The following DOCK4 variants were observed in gnomAD, a reference collection of about 807,000 sequenced individuals.
DOCK4 encodes the protein dedicator of cytokinesis protein 4.
DOCK4 carries 97 observed loss-of-function variants against 268.1 expected under a neutral mutation model. The ratio of observed to expected loss-of-function variants is 0.36; its 90% CI spans 0.31 to 0.43. DOCK4 has a LOEUF of 0.43. Among genes scored for constraint, DOCK4 ranks in the 20% least tolerant of loss-of-function variants. The pLI, the probability that DOCK4 is intolerant of heterozygous loss-of-function variation, is 1.00. For missense variants in DOCK4, 2,145 were observed against 2,455.7 expected (o/e 0.87, Z 2.67); for synonymous variants, 954 against 887.2 (o/e 1.08, Z -1.34).
At chr7:111,893,018 G>C (rs1025165987) in intron 16 of DOCK4, among the ~76,000 whole-genome samples, 1 of 152,110 alleles carries the variant, frequency 6.6e-6, no homozygotes, top group Admixed American at 6.5e-5. Context: ...ATACCATACT[G>C]AGTTTCTCTT....
intron 1 of DOCK4, among the ~76,000 whole-genome samples, chr7:112,034,933 T>C (rs1282269793): frequency 6.6e-6 from 1 of 151,852 alleles, no homozygotes; most frequent in Non-Finnish European, 1.5e-5. Context: ...AAAAAACAAC[T>C]TAAAGGAGAA....
At chr7:112,143,864 A>G (rs1815166512) in intron 1 of DOCK4, among the ~76,000 whole-genome samples, 1 of 152,196 alleles carries the variant, frequency 6.6e-6, no homozygotes, top group African/African-American at 2.4e-5. Flanking sequence ...CTTTGGTCTC[A>G]ATCACAGCAC....
intron 8 of DOCK4, among the ~76,000 whole-genome samples, chr7:111,957,624 G>A (rs574851088): frequency 5.8e-4 from 89 of 152,160 alleles, no homozygotes; most frequent in African/African-American, 2.0e-3. Flanking sequence ...TGTTAATCTC[G>A]AATCGTCTTA....
intron 1 of DOCK4, among the ~76,000 whole-genome samples, chr7:112,036,433 A>G (rs1803771464): frequency 6.6e-6 from 1 of 152,324 alleles, no homozygotes; most frequent in South Asian, 2.1e-4. Flanking sequence ...AAATAACACA[A>G]GCAACATAAA....
At position 111,994,219 on chromosome 7, in the gene DOCK4, C is replaced by T. The variant is rs370807887; in HGVS notation, c.231G>A (p.Met77Ile). Residue 77 changes from methionine (M) to isoleucine (I), a missense_variant, in exon 5 of 53, where the codon ATG becomes ATA. Transcript: ENST00000428084. ...TAACAGAGTCTTCAGTGGGAATAACCATTTCAAATTGTCTGTGAAATTAAA... is the reference window on the plus strand; with the variant it reads ...TAACAGAGTCTTCAGTGGGAATAACTATTTCAAATTGTCTGTGAAATTAAA... ...ACVKNKGQFEMVIPTEDSVIT... is the reference protein window; with the variant it reads ...ACVKNKGQFEIVIPTEDSVIT... 22 of 1,586,350 alleles carry T rather than the reference C, an allele frequency of 1.4e-5. No homozygotes were observed. The African/African-American group carries it at 2.8e-4, about 20-fold the overall frequency.
intron 1 of DOCK4, among the ~76,000 whole-genome samples, chr7:112,029,866 GATTC>G (rs1167354410): frequency 1.3e-5 from 2 of 152,146 alleles, no homozygotes; most frequent in Admixed American, 6.5e-5. Flanking sequence ...ACAGTATCAT[GATTC>G]ATTGTTTTTC....
intron 12 of DOCK4, among the ~76,000 whole-genome samples, chr7:111,929,793 C>A (rs1379633852): frequency 6.6e-6 from 1 of 152,124 alleles, no homozygotes; most frequent in African/African-American, 2.4e-5. Context: ...AACAAAGACT[C>A]TAGAAACTTA....
chr7:111,986,749 T>A (rs1320564686), intron 6 of DOCK4, among the ~76,000 whole-genome samples: 1 of 152,214 alleles, frequency 6.6e-6, no homozygotes. Context: ...TGTCTGAGGT[T>A]CCCAGGCAAG....
At chr7:112,109,544 C>T (rs1811440447) in intron 1 of DOCK4, among the ~76,000 whole-genome samples, 1 of 152,214 alleles carries the variant, frequency 6.6e-6, no homozygotes, top group South Asian at 2.1e-4. Flanking sequence ...GCTACCTGCT[C>T]TCTCAAGGTA....
chr7:112,095,523 A>T (rs1246824747), intron 1 of DOCK4, among the ~76,000 whole-genome samples: 1 of 152,220 alleles, frequency 6.6e-6, no homozygotes, highest in Non-Finnish European at 1.5e-5. Context: ...AATTCAGCAA[A>T]CATTTCACAG....
chr7:111,772,379 A>G (rs577194443), intron 36 of DOCK4, among the ~76,000 whole-genome samples: 1 of 152,328 alleles, frequency 6.6e-6, no homozygotes, highest in Non-Finnish European at 1.5e-5. Context: ...ATCTCAAAAA[A>G]AAAGAAAAGT....
chr7:111,769,634 C>T lies in DOCK4; in HGVS notation c.3723G>A (p.Trp1241Ter). 1 of 1,613,780 alleles carries T rather than the reference C, an allele frequency of 6.2e-7. No homozygotes were observed. The highest frequency in any genetic ancestry group is 8.5e-7 in the Non-Finnish European group (1 of 1,179,806). The change falls in exon 37 of 53, where the codon TGG becomes TGA. Residue 1241 changes from tryptophan (W) to a stop codon, truncating the protein, a stop_gained. Transcript: ENST00000428084. LOFTEE classifies it high-confidence loss of function. ...TLLLYDELLE[W>*]SDRPLREFLT... ...GGAACTCCCTGAGGGGCCGATCAGACCATTCCAGTAGCTCGTCATATAAGA... is the reference window on the plus strand; with the variant it reads ...GGAACTCCCTGAGGGGCCGATCAGATCATTCCAGTAGCTCGTCATATAAGA...
chr7:111,840,836 C>T (rs1417272759), intron 25 of DOCK4: 5 of 1,351,004 alleles, frequency 3.7e-6, no homozygotes, highest in Non-Finnish European at 4.9e-6. Context: ...TGTAGTACTG[C>T]CATGTGAAGA....
At chr7:112,134,991 A>ATG (rs576509921) in intron 1 of DOCK4, among the ~76,000 whole-genome samples, 88 of 151,706 alleles carry the variant, frequency 5.8e-4, no homozygotes, top group East Asian at 7.8e-4. Flanking sequence ...TAAAACATAT[A>ATG]TGTGTGTGTG....
At chr7:111,905,661 T>G (rs1791500283) in intron 13 of DOCK4, among the ~76,000 whole-genome samples, 2 of 149,504 alleles carry the variant, frequency 1.3e-5, no homozygotes, top group Admixed American at 1.3e-4. Context: ...CGGCTTTATC[T>G]ATTTTTTATA....
At chr7:112,186,259 G>A (rs927651087) in intron 1 of DOCK4, among the ~76,000 whole-genome samples, 2 of 152,130 alleles carry the variant, frequency 1.3e-5, no homozygotes, top group Non-Finnish European at 2.9e-5. Context: ...TAGCTTTATG[G>A]TAACAGACAC....
Position 112,000,920 on chromosome 7 carries a change from G to A in DOCK4, c.122-386C>T, listed in dbSNP as rs184471469. ...TTATGAAAGGCCACATTATGTCACA[G>A]GGAAAGTCAAGAATCTGCACAAGAT... On this transcript the variant is annotated intron_variant, in intron 2 of 52. Transcript: ENST00000428084. Among the ~76,000 whole-genome samples, 18 of 152,238 alleles carry A rather than the reference G, an allele frequency of 1.2e-4. No homozygotes were observed. The East Asian group carries it at 3.3e-3, about 28-fold the overall frequency.
intron 1 of DOCK4, among the ~76,000 whole-genome samples, chr7:112,195,770 G>A (rs1377473044): frequency 6.6e-6 from 1 of 152,014 alleles, no homozygotes; most frequent in Non-Finnish European, 1.5e-5. Context: ...GAAATTTTTG[G>A]TTAATGTCCA....
At chr7:111,797,311 T>C (rs1358224231) in intron 30 of DOCK4, among the ~76,000 whole-genome samples, 4 of 152,198 alleles carry the variant, frequency 2.6e-5, no homozygotes, top group Non-Finnish European at 5.9e-5. Context: ...AAATCCCCCT[T>C]ATTTGGGGCC....
Sources: allele counts gnomAD v4.1 joint callset (sites outside exome capture counted in the v4.1 genomes callset), GRCh38; gene constraint gnomAD v4.1.1; transcripts MANE v1.5; gene names NCBI Gene and HGNC (gene_info 2026-07-23, HGNC 2026-07-21).